Variants in CHST9 observed in about 807,000 individuals in gnomAD.
CHST9 encodes the protein carbohydrate sulfotransferase 9, also known as GalNAc-4-sulfotransferase 2.
In CHST9, 41 loss-of-function variants were observed where a neutral mutation model predicts 44.4. The observed-to-expected ratio is 0.92, with a 90% confidence interval of 0.72 to 1.20. The LOEUF (loss-of-function observed/expected upper bound fraction) is 1.20. Among genes scored for constraint, CHST9 ranks in the 50% most tolerant of loss-of-function variants. The probability of loss-of-function intolerance (pLI) is 0.00; values close to 1 mark genes in which losing one functional copy is unlikely to be tolerated. For missense variants in CHST9, 504 were observed against 516.5 expected, an observed-to-expected ratio of 0.98 and a Z score of 0.23; for synonymous variants, 171 against 178.4, an observed-to-expected ratio of 0.96 and a Z score of 0.33.
chr18:27,008,703 G>A (rs985737102), intron 4 of CHST9, among the ~76,000 whole-genome samples: 5 of 120,404 alleles, frequency 4.2e-5, no homozygotes, highest in African/African-American at 6.3e-5. Context: ...TGCTCCCCCT[G>A]TCCTCTTGTA....
chr18:26,988,778 T>C (rs1280315645), intron 4 of CHST9, among the ~76,000 whole-genome samples: 2 of 152,124 alleles, frequency 1.3e-5, no homozygotes, highest in South Asian at 2.1e-4. Flanking sequence ...AAATAGAACA[T>C]AAGTCTGGTC....
chr18:27,153,078 G>A lies in CHST9; in HGVS notation c.-96-10173C>T, dbSNP rs115036471. Reference sequence around the variant, plus strand: ...AAGTGGAATTAAAGAATACCGAAGTGGGTGCTGTGTTGCTGCTCTAATATC... The same window carrying A: ...AAGTGGAATTAAAGAATACCGAAGTAGGTGCTGTGTTGCTGCTCTAATATC... On this transcript the variant is annotated intron_variant, in intron 1 of 5. Transcript: ENST00000618847. 1.3e-3 allele frequency among the ~76,000 whole-genome samples: 195 copies of A among 152,244 alleles called. 1 individual carries two copies. Among genetic ancestry groups the A allele is most frequent in the African/African-American group, 4.4e-3 (184 of 41,530 alleles).
chr18:27,177,908 C>A (rs1486122076), intron 1 of CHST9, among the ~76,000 whole-genome samples: 1 of 151,976 alleles, frequency 6.6e-6, no homozygotes, highest in African/African-American at 2.4e-5. Context: ...AATTTCACTG[C>A]CTATATAGAT....
intron 4 of CHST9, among the ~76,000 whole-genome samples, chr18:26,976,149 G>A (rs1307782482): frequency 2.0e-5 from 3 of 151,926 alleles, no homozygotes; most frequent in South Asian, 2.1e-4. Flanking sequence ...TTTTAAAAAC[G>A]CTGCCTGAAT....
chr18:27,076,247 C>T (rs1175232229), intron 2 of CHST9, among the ~76,000 whole-genome samples: 1 of 152,116 alleles, frequency 6.6e-6, no homozygotes, highest in East Asian at 1.9e-4. Flanking sequence ...AAATTTTAGG[C>T]TCTTTCTGAT....
At chr18:27,013,248 C>T (rs2057106715) in intron 4 of CHST9, among the ~76,000 whole-genome samples, 2 of 152,188 alleles carry the variant, frequency 1.3e-5, no homozygotes, top group Non-Finnish European at 1.5e-5. Context: ...CAAGTCTGTG[C>T]ATGTAATAGC....
intron 4 of CHST9, among the ~76,000 whole-genome samples, chr18:27,016,189 C>T (rs189007197): frequency 1.1e-4 from 16 of 152,320 alleles, no homozygotes; most frequent in Admixed American, 1.0e-3. Context: ...AGGAGTGTGG[C>T]TTGGCTTATA....
At chr18:27,143,808 G>T (rs1245266061) in intron 1 of CHST9, among the ~76,000 whole-genome samples, 3 of 152,064 alleles carry the variant, frequency 2.0e-5, no homozygotes, top group Admixed American at 2.0e-4. Context: ...GGGGGGCAAG[G>T]GGAGGGAGAG....
At chr18:26,983,594 T>C (rs748778066) in intron 4 of CHST9, among the ~76,000 whole-genome samples, 4 of 152,144 alleles carry the variant, frequency 2.6e-5, no homozygotes, top group Non-Finnish European at 4.4e-5. Flanking sequence ...TTAAATCTCT[T>C]TTGTTTATAA....
rs1250336869 is a variant in CHST9 at position 26,991,762 on chromosome 18, G to C, written c.202+32354C>G. On this transcript the variant is annotated intron_variant, in intron 4 of 5. Coordinates refer to ENST00000618847, the MANE Select transcript of CHST9 (RefSeq NM_031422.6). ...GTGATCAACTGTGTCAAATGTTTCT[G>C]ACAGGTCTGATGAAGACGAGGACTA... 4.4e-5 allele frequency among the ~76,000 whole-genome samples: 4 copies of C among 91,812 alleles called. 1 individual carries two copies. Among genetic ancestry groups the C allele is most frequent in the Admixed American group, 1.3e-4 (1 of 7,744 alleles). The allele number at this position is 91,812 out of a possible 152,430, so 60.2% of individuals were successfully genotyped here.
At chr18:26,943,488 C>T (rs184941035) in intron 5 of CHST9, among the ~76,000 whole-genome samples, 1 of 152,100 alleles carries the variant, frequency 6.6e-6, no homozygotes, top group Admixed American at 6.5e-5. Flanking sequence ...CCACCCTTCT[C>T]TTTGGTAAGG....
At chr18:27,144,043 C>T (rs929095948) in intron 1 of CHST9, among the ~76,000 whole-genome samples, 1 of 152,124 alleles carries the variant, frequency 6.6e-6, no homozygotes, top group Non-Finnish European at 1.5e-5. Context: ...TGCAGTAAGC[C>T]GTGTGGTGAG....
chr18:27,103,298 C>A (rs1181557781), intron 2 of CHST9, among the ~76,000 whole-genome samples: 1 of 152,138 alleles, frequency 6.6e-6, no homozygotes, highest in African/African-American at 2.4e-5. Context: ...CTTGCTGCTG[C>A]CCCCAGTCCT....
At chr18:27,102,503 T>C (rs746055670) in intron 2 of CHST9, among the ~76,000 whole-genome samples, 1 of 152,218 alleles carries the variant, frequency 6.6e-6, no homozygotes, top group African/African-American at 2.4e-5. Context: ...ACTGCCATAT[T>C]TACCCCATCC....
chr18:26,999,657 A>G (rs1252459696), intron 4 of CHST9, among the ~76,000 whole-genome samples: 1 of 152,132 alleles, frequency 6.6e-6, no homozygotes, highest in African/African-American at 2.4e-5. Context: ...ATTTCACTAT[A>G]TTATATAATT....
intron 2 of CHST9, among the ~76,000 whole-genome samples, chr18:27,106,818 T>C (rs1422190023): frequency 6.6e-6 from 1 of 152,238 alleles, no homozygotes; most frequent in East Asian, 1.9e-4. Flanking sequence ...CAAGTTAATC[T>C]ACCTGCTTAC....
At chr18:27,052,077 T>G (rs1443828130) in intron 2 of CHST9, among the ~76,000 whole-genome samples, 3 of 152,012 alleles carry the variant, frequency 2.0e-5, no homozygotes, top group Admixed American at 2.0e-4. Context: ...CTCAAATAAT[T>G]TTTTTTATGA....
At chr18:27,052,016 T>A (rs1051880330) in intron 2 of CHST9, among the ~76,000 whole-genome samples, 12 of 152,254 alleles carry the variant, frequency 7.9e-5, no homozygotes, top group African/African-American at 2.6e-4. Flanking sequence ...AATATTGGCA[T>A]CTCATGTTTC....
chr18:27,108,873 G>T (rs1411865920), intron 2 of CHST9, among the ~76,000 whole-genome samples: 1 of 152,164 alleles, frequency 6.6e-6, no homozygotes, highest in African/African-American at 2.4e-5. Context: ...AGAGGGTGGA[G>T]TGAACTGAAA....
Sources: gnomAD v4.1 joint callset for allele counts (sites outside exome capture counted in the v4.1 genomes callset) on GRCh38, gnomAD v4.1.1 for gene constraint, MANE v1.5 for transcripts, NCBI Gene and HGNC (gene_info 2026-07-23, HGNC 2026-07-21) for gene names.